CALU: variants seen among roughly 807,000 people sequenced by gnomAD.
The protein encoded by CALU is IEF SSP 9302.
In CALU, 13 loss-of-function variants were observed where a neutral mutation model predicts 37.5. That is an observed-to-expected ratio of 0.35 (90% CI 0.23 to 0.55). CALU has a LOEUF of 0.55. Among genes scored for constraint, CALU ranks in the 20% least tolerant of loss-of-function variants. CALU has a pLI of 0.89. For synonymous variants in CALU, 114 were observed against 133.8 expected, an observed-to-expected ratio of 0.85 and a Z score of 1.02; for missense variants, 282 against 391.7, an observed-to-expected ratio of 0.72 and a Z score of 2.36.
rs944624674 is a variant in CALU at position 128,769,905 on chromosome 7, C to G, written c.*738C>G. 1 of 152,214 alleles carries G rather than the reference C, an allele frequency of 6.6e-6. No homozygotes were observed. The highest frequency in any genetic ancestry group is 1.5e-5 in the Non-Finnish European group (1 of 68,048). 9.4% of individuals were successfully genotyped at this position (152,214 alleles called of 1,614,324 possible). The stretch of plus-strand genomic sequence containing the variant: ...AAATCAATCAAGTAGTGAATGTGAT[C>G]TCTTTGCAGAGCTATAGATAGAAAC... On this transcript the variant is annotated 3_prime_UTR_variant, in exon 7 of 7. Coordinates refer to ENST00000249364, the MANE Select transcript of CALU (RefSeq NM_001219.5).
In CALU at chr7:128,772,544, T is replaced by C. The variant is rs776133013; in HGVS notation, c.*3377T>C. 2.3e-5 allele frequency: 37 copies of C among 1,614,046 alleles called. No homozygotes were observed. The highest frequency in any genetic ancestry group is 6.7e-5 in the Admixed American group (4 of 59,994). ...AAACAGGCCAATATTGGGTCCTCAG[T>C]TGGGGCCAACTTGGGTAGACGAGAC... On this transcript the variant is annotated 3_prime_UTR_variant, in exon 7 of 7. Transcript: ENST00000249364.
In CALU at chr7:128,748,821, CA is replaced by C; in HGVS notation, c.221+18del. On this transcript the variant is annotated intron_variant, in intron 2 of 6. Coordinates refer to ENST00000249364, the MANE Select transcript of CALU (RefSeq NM_001219.5). ...AAGGCTTGGGTAAGGTACCACCTCT[CA>C]GGGGTCTAGTGTGGGTAATGACATT... The C allele has an allele frequency of 6.5e-7, 1 of 1,540,620 alleles. No individual in the cohort carries two copies. Among genetic ancestry groups the C allele is most frequent in the African/African-American group, 1.4e-5 (1 of 73,642 alleles).
At chr7:128,754,628 CA>C in intron 3 of CALU, 173 bp downstream of exon 3, 1 of 1,551,828 alleles carries the variant, frequency 6.4e-7, no homozygotes, top group Non-Finnish European at 8.7e-7. Flanking sequence ...ACATATATGA[CA>C]ATGTTGAAAA....
At chr7:128,761,385 G>C (rs1210184804) in intron 5 of CALU, 2 of 152,186 alleles carry the variant, frequency 1.3e-5, no homozygotes, top group Non-Finnish European at 2.9e-5. Flanking sequence ...GAGGCAGGAG[G>C]ATCACTTGAG....
chr7:128,748,593 C>G lies in CALU; in HGVS notation c.10C>G (p.Arg4Gly). Residue 4 changes from arginine (R) to glycine (G), a missense_variant, in exon 2 of 7, where the codon CGA becomes GGA. Coordinates refer to ENST00000249364, the MANE Select transcript of CALU (RefSeq NM_001219.5). ...TCAAGATCTAATTATCATGGACCTG[C>G]GACAGTTTCTTATGTGCCTGTCCCT... MDL[R>G]QFLMCLSLCT... The G allele has an allele frequency of 1.2e-6, 2 of 1,613,610 alleles. No homozygotes were observed. The highest frequency in any genetic ancestry group is 1.7e-6 in the Non-Finnish European group (2 of 1,179,582).
At chr7:128,748,510 A>T in intron 1 of CALU, 63 bp from the exon 2 acceptor site, 1 of 1,340,298 alleles carries the variant, frequency 7.5e-7, no homozygotes, top group Non-Finnish European at 1.0e-6. Flanking sequence ...GTGAGCTTTT[A>T]ATTTCTTATT....
chr7:128,749,091 A>G (rs1353841634), intron 2 of CALU, among the ~76,000 whole-genome samples: 1 of 152,216 alleles, frequency 6.6e-6, no homozygotes, highest in Non-Finnish European at 1.5e-5. Flanking sequence ...TACCAGAAGA[A>G]CATAGCATGG....
At chr7:128,749,037 A>T (rs1476941425) in intron 2 of CALU, among the ~76,000 whole-genome samples, 1 of 152,268 alleles carries the variant, frequency 6.6e-6, no homozygotes. Flanking sequence ...TTTGCATAAA[A>T]GTACCAAGTA....
intron 2 of CALU, among the ~76,000 whole-genome samples, chr7:128,753,641 G>A (rs1800759384): frequency 6.6e-6 from 1 of 152,088 alleles, no homozygotes; most frequent in South Asian, 2.1e-4. Flanking sequence ...AAAGCTGCTA[G>A]CCATTTTTTA....
chr7:128,770,762 T>C lies in CALU; in HGVS notation c.*1595T>C, dbSNP rs150783498. On this transcript the variant is annotated 3_prime_UTR_variant, in exon 7 of 7. Coordinates refer to ENST00000249364, the MANE Select transcript of CALU (RefSeq NM_001219.5). ...CAGATGGACCTCTTGAGAAGAATTA[T>C]CGTATTCCACGTTTTTAGCCCTCAG... is the stretch of plus-strand genomic sequence containing the variant. 7.2e-5 allele frequency: 11 copies of C among 152,738 alleles called. No individual in the cohort carries two copies. The East Asian group carries it at 1.9e-3, about 27-fold the overall frequency. 9.5% of individuals were successfully genotyped at this position (152,738 alleles called of 1,614,324 possible).
At position 128,769,174 on chromosome 7, in the gene CALU, GA is replaced by G; in HGVS notation, c.*8del. The G allele has an allele frequency of 7.0e-7, 1 of 1,418,960 alleles. No individual in the cohort carries two copies. The highest frequency in any genetic ancestry group is 9.9e-7 in the Non-Finnish European group (1 of 1,012,694). 87.9% of individuals were successfully genotyped at this position (1,418,960 alleles called of 1,614,324 possible). ...ACGGCATGATGAGTTCTGAGCTACGGAGGAACCCTCATTTCCTCAAAAGTAA... is the reference window on the plus strand; with the variant it reads ...ACGGCATGATGAGTTCTGAGCTACGGGGAACCCTCATTTCCTCAAAAGTAA... On this transcript the variant is annotated 3_prime_UTR_variant, in exon 7 of 7. Transcript: ENST00000249364.
At chr7:128,754,644 T>TG in intron 3 of CALU, 189 bp downstream of exon 3, 1 of 1,552,230 alleles carries the variant, frequency 6.4e-7, no homozygotes. Flanking sequence ...TGAAAACCAA[T>TG]GGCAGGAGTT....
intron 3 of CALU, among the ~76,000 whole-genome samples, chr7:128,756,915 A>G (rs983634577): frequency 6.6e-6 from 1 of 152,098 alleles, no homozygotes; most frequent in Non-Finnish European, 1.5e-5. Flanking sequence ...GTCTTTACAA[A>G]AAAAATATTA....
At chr7:128,748,403 A>G (rs1449894110) in intron 1 of CALU, 170 bp from the exon 2 acceptor site, 1 of 1,410,794 alleles carries the variant, frequency 7.1e-7, no homozygotes, top group South Asian at 1.3e-5. Flanking sequence ...GAAGAGTCTG[A>G]TATTCCACCA....
intron 1 of CALU, among the ~76,000 whole-genome samples, chr7:128,744,271 G>A (rs1218088709): frequency 6.6e-6 from 1 of 152,096 alleles, no homozygotes; most frequent in African/African-American, 2.4e-5. Context: ...ATTTTTTACT[G>A]TTCCTTTCAC....
rs1199019391 is a variant in CALU at position 128,770,151 on chromosome 7, T to G, written c.*984T>G. On this transcript the variant is annotated 3_prime_UTR_variant, in exon 7 of 7. Coordinates refer to ENST00000249364, the MANE Select transcript of CALU (RefSeq NM_001219.5). ...CCAATCATGTCATTGAAAGTGCCTT[T>G]AACGAAAGAAATGGTCACTGAATGG... is the stretch of plus-strand genomic sequence containing the variant. The G allele has an allele frequency of 1.3e-5, 2 of 152,582 alleles. No homozygotes were observed. The highest frequency in any genetic ancestry group is 2.4e-5 in the African/African-American group (1 of 41,432). The allele number at this position is 152,582 out of a possible 1,614,324, so 9.5% of individuals were successfully genotyped here. A position where few individuals can be genotyped will look rare whatever the true frequency, so the allele number is the denominator to read the frequency against.
At chr7:128,763,572 G>A (rs1319742364) in intron 5 of CALU, among the ~76,000 whole-genome samples, 1 of 152,122 alleles carries the variant, frequency 6.6e-6, no homozygotes, top group Admixed American at 6.5e-5. Flanking sequence ...AATTCAAATA[G>A]TTTATCATGG....
rs1801499693 is a variant in CALU, at chr7:128,770,037, C to A, written c.*870C>A. 1 of 152,546 alleles carries A rather than the reference C, an allele frequency of 6.6e-6. No individual in the cohort carries two copies. The highest frequency in any genetic ancestry group is 2.4e-5 in the African/African-American group (1 of 41,414). 9.4% of individuals were successfully genotyped at this position (152,546 alleles called of 1,614,324 possible). On this transcript the variant is annotated 3_prime_UTR_variant, in exon 7 of 7. Coordinates refer to ENST00000249364, the MANE Select transcript of CALU (RefSeq NM_001219.5). ...GACTTAATTATTTGCCTTTTGAAATCACTGTAAATGCCCCCATCCGGTTCC... is the reference window on the plus strand; with the variant it reads ...GACTTAATTATTTGCCTTTTGAAATAACTGTAAATGCCCCCATCCGGTTCC...
At chr7:128,753,270 A>G (rs1800746520) in intron 2 of CALU, among the ~76,000 whole-genome samples, 1 of 152,256 alleles carries the variant, frequency 6.6e-6, no homozygotes, top group African/African-American at 2.4e-5. Context: ...GCATAGGACT[A>G]TACCAAGATT....
Sources: gnomAD v4.1 joint callset for allele counts (sites outside exome capture counted in the v4.1 genomes callset) on GRCh38, gnomAD v4.1.1 for gene constraint, MANE v1.5 for transcripts, NCBI Gene and HGNC (gene_info 2026-07-23, HGNC 2026-07-21) for gene names.